Variants in HPS3 observed in about 807,000 individuals in gnomAD.
The protein encoded by HPS3 is HPS3 biogenesis of lysosomal organelles complex 2 subunit 1, also known as BLOC-2 complex member HPS3.
In HPS3, 79 loss-of-function variants were observed where a neutral mutation model predicts 110.9. The observed-to-expected ratio is 0.71, with a 90% CI of 0.59 to 0.86. HPS3 has a LOEUF of 0.86. Ranked by LOEUF, HPS3 falls within the 40% of genes least tolerant of loss-of-function variation. The pLI is 0.00. For synonymous variants in HPS3, 428 were observed against 451.0 expected, an observed-to-expected ratio of 0.95 and a Z score of 0.65; for missense variants, 1,197 against 1,206.2, an observed-to-expected ratio of 0.99 and a Z score of 0.11.
chr3:149,140,033 A>G lies in HPS3; in HGVS notation c.247A>G (p.Asn83Asp). 1 of 1,613,518 alleles carries G rather than the reference A, an allele frequency of 6.2e-7. No homozygotes were observed. The highest frequency in any genetic ancestry group is 8.5e-7 in the Non-Finnish European group (1 of 1,179,666). ...GDYLVAIEEK[N>D]KATFLRAYVN... ...TTATTTGGTAGCAATTGAAGAGAAA[A>G]ACAAAGCTACATTTCTACGTGCTTA... Residue 83 changes from asparagine (N) to aspartate (D), a missense_variant, in exon 2 of 17, where the codon AAC becomes GAC. Asn to Asp is a conservative substitution (Grantham distance 23, BLOSUM62 1). Coordinates refer to ENST00000296051, the MANE Select transcript of HPS3 (RefSeq NM_032383.5).
At chr3:149,130,113 A>C in intron 1 of HPS3, 173 bp downstream of exon 1, 2 of 639,076 alleles carry the variant, frequency 3.1e-6, no homozygotes, top group Non-Finnish European at 5.4e-6. Flanking sequence ...GCATTGAGCT[A>C]TGCGGTTGTC....
chr3:149,155,152 T>C lies in HPS3; in HGVS notation c.1446T>C (p.Ala482=). 6 of 1,610,880 alleles carry C rather than the reference T, an allele frequency of 3.7e-6. No individual in the cohort carries two copies. The highest frequency in any genetic ancestry group is 5.1e-6 in the Non-Finnish European group (6 of 1,177,064). Residue 482 remains alanine (A), a synonymous_variant, in exon 8 of 17, where the codon GCT becomes GCC. Transcript: ENST00000296051. The part of the protein sequence containing the change: ...TSVKIKIPPV[A]EAGWNLYIVN... ...TTAAAATCAAAATACCTCCTGTAGC[T>C]GAGGCTGGGTGGAATTTGTATATTG... is the stretch of plus-strand genomic sequence containing the variant.
chr3:149,152,731 T>G (rs777593036), intron 6 of HPS3, among the ~76,000 whole-genome samples: 2 of 152,232 alleles, frequency 1.3e-5, no homozygotes, highest in Non-Finnish European at 2.9e-5. Flanking sequence ...TATTTTTACA[T>G]GGAGGTAACA....
chr3:149,166,326 T>A (rs1724412166), intron 14 of HPS3, among the ~76,000 whole-genome samples: 1 of 152,216 alleles, frequency 6.6e-6, no homozygotes, highest in African/African-American at 2.4e-5. Flanking sequence ...CATATGTATG[T>A]AGCACATGCT....
At chr3:149,135,757 A>G (rs1722049311) in intron 1 of HPS3, among the ~76,000 whole-genome samples, 1 of 152,040 alleles carries the variant, frequency 6.6e-6, no homozygotes, top group Non-Finnish European at 1.5e-5. Context: ...GGTGGTAGAC[A>G]CTTGTTTATG....
intron 14 of HPS3, among the ~76,000 whole-genome samples, chr3:149,166,691 A>G (rs1724452609): frequency 6.6e-6 from 1 of 152,214 alleles, no homozygotes; most frequent in African/African-American, 2.4e-5. Flanking sequence ...TGCGGTGAAC[A>G]TCATTGGACG....
chr3:149,157,707 A>C (rs937809685), intron 9 of HPS3, among the ~76,000 whole-genome samples, 176 bp downstream of exon 9: 3 of 152,236 alleles, frequency 2.0e-5, no homozygotes, highest in South Asian at 2.1e-4. Context: ...AGGCTTAAAC[A>C]TACAAAAATG....
At chr3:149,133,281 A>T (rs1260359603) in intron 1 of HPS3, among the ~76,000 whole-genome samples, 1 of 151,844 alleles carries the variant, frequency 6.6e-6, no homozygotes, top group African/African-American at 2.4e-5. Flanking sequence ...TAATTGTTTT[A>T]TTTTTTTATT....
Position 149,141,214 on chromosome 3 carries a change from A to G in HPS3, c.884+26A>G, listed in dbSNP as rs779663433. ...GTATTATAGTGCTTTTTTTTTTTTT[A>G]CCAGCATTTTATGTATATATGCCTG... On this transcript the variant is annotated intron_variant, in intron 3 of 16. Transcript: ENST00000296051. 2.2e-5 allele frequency: 20 copies of G among 891,930 alleles called. No homozygotes were observed. In the African/African-American group the frequency reaches 4.6e-4, roughly 21 times the overall value. 55.3% of individuals were successfully genotyped at this position (891,930 alleles called of 1,614,324 possible). A position where few individuals can be genotyped will look rare whatever the true frequency, so the allele number is the denominator to read the frequency against.
In HPS3 at chr3:149,140,268, T is replaced by C; in HGVS notation, c.482T>C (p.Leu161Ser). 1.2e-6 allele frequency: 2 copies of C among 1,614,222 alleles called. No homozygotes were observed. Among genetic ancestry groups the C allele is most frequent in the South Asian group, 2.2e-5 (2 of 91,082 alleles). Residue 161 changes from leucine (L) to serine (S), a missense_variant, in exon 2 of 17, where the codon TTG becomes TCG. Physicochemically the swap from Leu to Ser is moderately radical, Grantham distance 145 (BLOSUM62 -2). Coordinates refer to ENST00000296051, the MANE Select transcript of HPS3 (RefSeq NM_032383.5). ...ACAAATAAATTAGTCTTATTTAGTT[T>C]GAAGTACCAGATCATTAATGAGGAA... ...GCTNKLVLFS[L>S]KYQIINEEFS...
chr3:149,129,977 C>G, intron 1 of HPS3, 37 bp downstream of exon 1: 1 of 1,511,574 alleles, frequency 6.6e-7, no homozygotes, highest in Non-Finnish European at 8.9e-7. Context: ...GCCTGGGGTC[C>G]AGCTTGAGGC....
chr3:149,131,139 A>T, intron 1 of HPS3, among the ~76,000 whole-genome samples: 1 of 149,476 alleles, frequency 6.7e-6, no homozygotes, highest in East Asian at 1.9e-4. Flanking sequence ...AAAAAAAAAA[A>T]ACAAAAAGTT....
Position 149,141,358 on chromosome 3 carries a change from G to C in HPS3, c.948G>C (p.Gln316His), listed in dbSNP as rs1225447105. 6.2e-7 allele frequency: 1 copy of C among 1,613,686 alleles called. No homozygotes were observed. The highest frequency in any genetic ancestry group is 1.1e-5 in the South Asian group (1 of 91,076). The change falls in exon 4 of 17, where the codon CAG becomes CAC. Residue 316 changes from glutamine to histidine, a missense_variant. Transcript: ENST00000296051. ...LSDDIKLHSL[Q>H]LLPIYQTGSL... ...ATGACATCAAGCTACATTCCCTCCA[G>C]CTGCTACCCATTTACCAGACCGGTA...
Position 149,160,075 on chromosome 3 carries a change from T to C in HPS3, c.1902T>C (p.Phe634=), listed in dbSNP as rs766556707. The C allele has an allele frequency of 3.7e-6, 6 of 1,613,864 alleles. No homozygotes were observed. The Admixed American group carries it at 5.0e-5, about 13-fold the overall frequency. The change falls in exon 11 of 17, where the codon TTT becomes TTC. Residue 634 remains phenylalanine (F), a synonymous_variant. Coordinates refer to ENST00000296051, the MANE Select transcript of HPS3 (RefSeq NM_032383.5). ...TAGCAGCAAAAGTGGTTCAGATGTT[T>C]TATGTGGCTGAGCCAAAGCAAGTGC... ...EELAAKVVQM[F]YVAEPKQVPH... is the part of the protein sequence containing the mutation.
intron 1 of HPS3, among the ~76,000 whole-genome samples, chr3:149,133,281 ATTTTT>A (rs1403209201): frequency 1.3e-5 from 2 of 151,844 alleles, no homozygotes; most frequent in African/African-American, 4.8e-5. Flanking sequence ...TAATTGTTTT[ATTTTT>A]TTATTTTATT....
rs933726474 is a variant in HPS3, at chr3:149,157,429, G to A, written c.1589G>A (p.Arg530Gln). ...HLLSEAHLLV[R>Q]AALMDASQLE... ...CTCAGTGAGGCTCATCTGTTAGTGC[G>A]AGCTGCCCTGATGGATGCCAGTCAG... The change falls in exon 9 of 17, where the codon CGA becomes CAA. Residue 530 changes from arginine to glutamine, a missense_variant. Coordinates refer to ENST00000296051, the MANE Select transcript of HPS3 (RefSeq NM_032383.5). 3 of 1,613,828 alleles carry A rather than the reference G, an allele frequency of 1.9e-6. No homozygotes were observed. The highest frequency in any genetic ancestry group is 1.7e-6 in the Non-Finnish European group (2 of 1,179,854).
intron 14 of HPS3, among the ~76,000 whole-genome samples, chr3:149,164,587 C>T (rs1559925048): frequency 6.6e-6 from 1 of 152,144 alleles, no homozygotes; most frequent in Non-Finnish European, 1.5e-5. Context: ...AATATAATTC[C>T]CACATCTGTT....
chr3:149,142,765 C>G (rs1348422482), intron 4 of HPS3, among the ~76,000 whole-genome samples: 1 of 151,996 alleles, frequency 6.6e-6, no homozygotes, highest in Non-Finnish European at 1.5e-5. Context: ...AGCTAATTGT[C>G]TAGTGGGGGA....
Position 149,162,841 on chromosome 3 carries a change from C to G in HPS3, c.2444C>G (p.Pro815Arg). The change falls in exon 13 of 17, where the codon CCT becomes CGT. Residue 815 changes from proline (P) to arginine (R), a missense_variant. Coordinates refer to ENST00000296051, the MANE Select transcript of HPS3 (RefSeq NM_032383.5). Reference protein sequence around the residue: ...QYIWRLSKRQPPDTTPLRTSE... With the variant: ...QYIWRLSKRQRPDTTPLRTSE... ...ATCTGGAGATTGTCTAAGAGGCAGC[C>G]TCCTGACACCACACCATTGCGAACA... 1.9e-6 allele frequency: 3 copies of G among 1,614,020 alleles called. No homozygotes were observed. The highest frequency in any genetic ancestry group is 2.5e-6 in the Non-Finnish European group (3 of 1,179,936).
Sources: gnomAD v4.1 joint callset for allele counts (sites outside exome capture counted in the v4.1 genomes callset) on GRCh38, gnomAD v4.1.1 for gene constraint, MANE v1.5 for transcripts, NCBI Gene and HGNC (gene_info 2026-07-23, HGNC 2026-07-21) for gene names.